PDXK: variants seen among roughly 807,000 people sequenced by gnomAD.
The protein encoded by PDXK is epididymis secretory sperm binding protein Li 1a.
In PDXK, 15 loss-of-function variants were observed where a neutral mutation model predicts 43.2. The observed-to-expected ratio is 0.35, with a 90% confidence interval of 0.23 to 0.53. The LOEUF is 0.53. Ranked by LOEUF, PDXK falls within the 20% of genes least tolerant of loss-of-function variation. The pLI is 0.92. For synonymous variants in PDXK, 172 were observed against 165.4 expected (o/e 1.04, Z -0.31); for missense variants, 343 against 417.0 (o/e 0.82, Z 1.54).
intron 1 of PDXK, among the ~76,000 whole-genome samples, chr21:43,724,442 A>T (rs1382264748): frequency 6.6e-6 from 1 of 152,148 alleles, no homozygotes; most frequent in Admixed American, 6.5e-5. Context: ...CAGCATGTGG[A>T]CGCGAGCAGC....
chr21:43,733,653 C>T lies in PDXK; in HGVS notation c.88-416C>T. Reference sequence around the variant, plus strand: ...TTCCAAGGGGTGGGGTAGACGCCCACATTTTCACAGCAGAGACAGCCTCCC... The same window carrying T: ...TTCCAAGGGGTGGGGTAGACGCCCATATTTTCACAGCAGAGACAGCCTCCC... On this transcript the variant is annotated intron_variant, in intron 1 of 10. Transcript: ENST00000291565. 6.6e-6 allele frequency: 7 copies of T among 1,061,502 alleles called. No homozygotes were observed. The East Asian group carries it at 4.9e-4, about 74-fold the overall frequency. The allele number at this position is 1,061,502 out of a possible 1,614,324, so 65.8% of individuals were successfully genotyped here.
At chr21:43,736,488 C>T (rs768419464) in intron 2 of PDXK, among the ~76,000 whole-genome samples, 4 of 152,174 alleles carry the variant, frequency 2.6e-5, no homozygotes, top group Non-Finnish European at 5.9e-5. Context: ...CTGCCATGAA[C>T]GTTTGTCTCA....
Position 43,719,371 on chromosome 21 carries a change from T to C in PDXK, c.77T>C (p.Phe26Ser). Reference protein sequence around the residue: ...RGYVGNRAATFPLQVLGFEID... With the variant: ...RGYVGNRAATSPLQVLGFEID... ...TACGTGGGCAACCGGGCGGCCACGT[T>C]CCCGCTGCAGGTACGCATCCGCCCG... Residue 26 changes from phenylalanine (F) to serine (S), a missense_variant, in exon 1 of 11, where the codon TTC becomes TCC. By Grantham distance (155) the Phe-to-Ser change is radical (BLOSUM62 -2). Coordinates refer to ENST00000291565, the MANE Select transcript of PDXK (RefSeq NM_003681.5). The C allele has an allele frequency of 6.6e-7, 1 of 1,523,742 alleles. No individual in the cohort carries two copies. The highest frequency in any genetic ancestry group is 8.8e-7 in the Non-Finnish European group (1 of 1,136,688). The allele number at this position is 1,523,742 out of a possible 1,614,324, so 94.4% of individuals were successfully genotyped here.
At chr21:43,749,961 G>T (rs987478770) in intron 6 of PDXK, among the ~76,000 whole-genome samples, 2 of 152,108 alleles carry the variant, frequency 1.3e-5, no homozygotes, top group African/African-American at 4.8e-5. Flanking sequence ...GGAGCTGCCC[G>T]CGGAGGGGGC....
intron 5 of PDXK, among the ~76,000 whole-genome samples, 182 bp from the exon 6 acceptor site, chr21:43,748,813 C>T (rs1243705004): frequency 6.6e-6 from 1 of 152,252 alleles, no homozygotes; most frequent in Non-Finnish European, 1.5e-5. Context: ...TCTAGTGTGC[C>T]TCGGCCACAC....
Position 43,754,298 on chromosome 21 carries a change from G to C in PDXK, c.759+579G>C, listed in dbSNP as rs929497999. ...ATCGGGTGGCTTTGCTTAGACAGTG[G>C]GGGGAGTGGGACTGTTGGGCAACTG... On this transcript the variant is annotated intron_variant, in intron 9 of 10. Transcript: ENST00000291565. This position sits in a 1 kb window ranked among gnomAD's most constrained non-coding sequence, Gnocchi z 5.5. Among the ~76,000 whole-genome samples, 7 of 152,156 alleles carry C rather than the reference G, an allele frequency of 4.6e-5. No individual in the cohort carries two copies. The highest frequency in any genetic ancestry group is 2.1e-4 in the South Asian group (1 of 4,830).
chr21:43,754,503 C>T lies in PDXK; in HGVS notation c.759+784C>T, dbSNP rs1260093141. Among the ~76,000 whole-genome samples the T allele has an allele frequency of 6.6e-6, 1 of 152,074 alleles. No individual in the cohort carries two copies. Among genetic ancestry groups the T allele is most frequent in the East Asian group, 1.9e-4 (1 of 5,182 alleles). On this transcript the variant is annotated intron_variant, in intron 9 of 10. Transcript: ENST00000291565. The surrounding 1 kb of genome is among the most constrained non-coding windows in gnomAD (Gnocchi z 5.5). The stretch of plus-strand genomic sequence containing the variant: ...GGCAGGTGGTTTTGTCAGCTGAGTC[C>T]GAGGACGCCTGGAGTGTGTCTTCTT...
intron 7 of PDXK, among the ~76,000 whole-genome samples, chr21:43,750,805 TGTGTGCGCGCACCCATGTGTGC>T (rs1160030591): frequency 6.7e-6 from 1 of 149,554 alleles, no homozygotes; most frequent in Admixed American, 6.6e-5. Context: ...GATGTGTGCG[TGTGTGCGCGCACCCATGTGTGC>T]ATGTGTGCAC....
intron 9 of PDXK, 135 bp from the exon 10 acceptor site, chr21:43,755,563 T>C: frequency 1.3e-6 from 1 of 768,590 alleles, no homozygotes. Context: ...AGCACGTGCA[T>C]TGGCGGAGCC....
rs369867766 is a variant in PDXK, at chr21:43,741,647, A to G, written c.143-20A>G. 6.2e-6 allele frequency: 10 copies of G among 1,606,522 alleles called. No homozygotes were observed. Among genetic ancestry groups the G allele is most frequent in the East Asian group, 4.5e-5 (2 of 44,830 alleles). ...CTGGCCCCCTTGTGTCTGAGCCCCCATGGCTTCCTCTGCCTCTAGGCTATG... is the reference window on the plus strand; with the variant it reads ...CTGGCCCCCTTGTGTCTGAGCCCCCGTGGCTTCCTCTGCCTCTAGGCTATG... On this transcript the variant is annotated intron_variant, in intron 2 of 10. Transcript: ENST00000291565.
chr21:43,746,281 G>A (rs773186508), intron 5 of PDXK, among the ~76,000 whole-genome samples, 156 bp downstream of exon 5: 8 of 152,176 alleles, frequency 5.3e-5, no homozygotes, highest in Non-Finnish European at 8.8e-5. Flanking sequence ...AAAGGGAACC[G>A]ACATATTTTC....
intron 1 of PDXK, among the ~76,000 whole-genome samples, chr21:43,727,115 G>A (rs1475882833): frequency 6.6e-6 from 1 of 152,228 alleles, no homozygotes; most frequent in Non-Finnish European, 1.5e-5. Context: ...GGGAGGGGCG[G>A]ATCCGCAGAA....
intron 1 of PDXK, among the ~76,000 whole-genome samples, chr21:43,729,788 TA>T (rs1484196866): frequency 1.3e-5 from 2 of 151,512 alleles, no homozygotes; most frequent in South Asian, 2.1e-4. Context: ...AAATAAAACA[TA>T]AAAAATTAAC....
chr21:43,753,266 G>A (rs941246965), intron 8 of PDXK, among the ~76,000 whole-genome samples: 5 of 152,164 alleles, frequency 3.3e-5, no homozygotes, highest in East Asian at 1.9e-4. Context: ...GTGGGCACAC[G>A]CACACACATG....
At chr21:43,733,994 G>A in intron 1 of PDXK, 75 bp from the exon 2 acceptor site, 3 of 1,464,062 alleles carry the variant, frequency 2.0e-6, no homozygotes, top group Admixed American at 3.4e-5. Context: ...CCTCTTCTGA[G>A]TCAGCACCTG....
Position 43,719,238 on chromosome 21 carries a change from C to T in PDXK, c.-57C>T. 3.9e-6 allele frequency: 4 copies of T among 1,031,178 alleles called. No individual in the cohort carries two copies. Among genetic ancestry groups the T allele is most frequent in the Non-Finnish European group, 5.1e-6 (4 of 786,804 alleles). 63.9% of individuals were successfully genotyped at this position (1,031,178 alleles called of 1,614,324 possible). On this transcript the variant is annotated 5_prime_UTR_variant, in exon 1 of 11. Coordinates refer to ENST00000291565, the MANE Select transcript of PDXK (RefSeq NM_003681.5). ...AGCCCGAGCCGAGCCGGAGCCCGAG[C>T]GAGCGGCGGAGACCGTGCCCCCGCC...
intron 6 of PDXK, 46 bp downstream of exon 6, chr21:43,749,126 A>T (rs764569602): frequency 8.4e-7 from 1 of 1,195,314 alleles, no homozygotes; most frequent in South Asian, 1.3e-5. Context: ...ATTTTTCAAG[A>T]TGGGTCTCGC....
At chr21:43,731,665 G>A (rs551375271) in intron 1 of PDXK, among the ~76,000 whole-genome samples, 34 of 148,802 alleles carry the variant, frequency 2.3e-4, no homozygotes, top group African/African-American at 8.9e-4. Flanking sequence ...GTGTTGTGGA[G>A]AGCCCAGCAG....
intron 9 of PDXK, 174 bp from the exon 10 acceptor site, chr21:43,755,524 G>C (rs766556253): frequency 1.6e-6 from 1 of 634,330 alleles, no homozygotes; most frequent in African/African-American, 1.8e-5. Context: ...CTCCGTGGTG[G>C]GCAGTCCGCA....
Sources: allele counts gnomAD v4.1 joint callset (sites outside exome capture counted in the v4.1 genomes callset), GRCh38; gene constraint gnomAD v4.1.1; non-coding constraint Gnocchi (gnomAD v3.1); transcripts MANE v1.5; gene names NCBI Gene and HGNC (gene_info 2026-07-23, HGNC 2026-07-21).